The following GIPC3 variants were observed in gnomAD, a reference collection of about 807,000 sequenced individuals.
The protein encoded by GIPC3 is PDZ domain-containing protein GIPC3.
In GIPC3, 16 loss-of-function variants were observed where a neutral mutation model predicts 27.3. That is an observed-to-expected ratio of 0.59 (90% CI 0.40 to 0.89). The LOEUF is 0.89. GIPC3 is among the 40% of genes least tolerant of loss of function. The probability of loss-of-function intolerance (pLI) is 0.00; values close to 1 mark genes in which losing one functional copy is unlikely to be tolerated. For missense variants in GIPC3, 440 were observed against 442.1 expected (o/e 1.00, Z 0.04); for synonymous variants, 194 against 184.6 (o/e 1.05, Z -0.41).
chr19:3,589,656 T>C, intron 4 of GIPC3, 101 bp downstream of exon 4: 1 of 1,184,490 alleles, frequency 8.4e-7, no homozygotes, highest in Non-Finnish European at 1.2e-6. Context: ...AGCCTCAGTT[T>C]CTCTGCCTGC....
In GIPC3 at chr19:3,586,914, A is replaced by G; in HGVS notation, c.512A>G (p.Tyr171Cys). 1.2e-6 allele frequency: 2 copies of G among 1,613,462 alleles called. No individual in the cohort carries two copies. Among genetic ancestry groups the G allele is most frequent in the Non-Finnish European group, 1.7e-6 (2 of 1,179,944 alleles). The change falls in exon 3 of 6, where the codon TAC (tyrosine) becomes TGC (cysteine). Residue 171 changes from tyrosine (Y) to cysteine (C), a missense_variant. Tyr to Cys is a radical substitution (Grantham distance 194). Transcript: ENST00000644452. ...NDHSIVGCRH[Y>C]EVAKMLRELP... The stretch of plus-strand genomic sequence containing the variant: ...CACTCCATTGTGGGCTGCCGCCACT[A>G]CGAGGTGGCCAAGATGCTCCGGGAG...
At chr19:3,588,656 A>C (rs902365827) in intron 3 of GIPC3, among the ~76,000 whole-genome samples, 9 of 151,048 alleles carry the variant, frequency 6.0e-5, no homozygotes, top group African/African-American at 1.5e-4. Context: ...AAAAAAAAAA[A>C]AAACCTGGCT....
chr19:3,586,550 G>A lies in GIPC3; in HGVS notation c.281G>A (p.Gly94Asp), dbSNP rs763523474. The change falls in exon 2 of 6, where the codon GGT (glycine) becomes GAT (aspartate). Residue 94 changes from glycine (G) to aspartate (D), a missense_variant. By Grantham distance (94) the Gly-to-Asp change is moderately conservative. Transcript: ENST00000644452. ...GTGGACATGCAGAAGCTCCTGGGGG[G>A]TCAGATAGGCCTGGAGGACTTCATC... ...HKVDMQKLLG[G>D]QIGLEDFIFA... The A allele has an allele frequency of 5.0e-6, 8 of 1,613,790 alleles. No individual in the cohort carries two copies. In the South Asian group the frequency reaches 8.8e-5, roughly 18 times the overall value.
Position 3,589,432 on chromosome 19 carries a change from G to C in GIPC3, c.593-11G>C, listed in dbSNP as rs371573753. On this transcript the variant is annotated splice_polypyrimidine_tract_variant and intron_variant, in intron 3 of 5. Coordinates refer to ENST00000644452, the MANE Select transcript of GIPC3 (RefSeq NM_133261.3). ...AGAACCCATGGCCATCCCTCACTCT[G>C]TTCCCTCCAGATATGATTGGCCAGA... 3.7e-6 allele frequency: 6 copies of C among 1,605,262 alleles called. No individual in the cohort carries two copies. The highest frequency in any genetic ancestry group is 3.3e-5 in the South Asian group (3 of 90,892).
chr19:3,588,941 C>T (rs2032429264), intron 3 of GIPC3, among the ~76,000 whole-genome samples: 1 of 140,084 alleles, frequency 7.1e-6, no homozygotes, highest in African/African-American at 2.9e-5. Context: ...AAGACAACAT[C>T]TCAAAAAAAA....
At chr19:3,589,419 C>T (rs2032438476) in intron 3 of GIPC3, 24 bp from the exon 4 acceptor site, 11 of 1,560,580 alleles carry the variant, frequency 7.0e-6, no homozygotes, top group Non-Finnish European at 9.7e-6. Context: ...AACCCATGGC[C>T]ATCCCTCACT....
In GIPC3 at chr19:3,586,530, C is replaced by T; in HGVS notation, c.261C>T (p.Asp87=). 2 of 1,613,912 alleles carry T rather than the reference C, an allele frequency of 1.2e-6. No homozygotes were observed. Reference sequence around the variant, plus strand: ...GCACCCTCAACAGCCACAAAGTGGACATGCAGAAGCTCCTGGGGGGTCAGA... The same window carrying T: ...GCACCCTCAACAGCCACAAAGTGGATATGCAGAAGCTCCTGGGGGGTCAGA... The part of the protein sequence containing the change: ...LFCTLNSHKV[D]MQKLLGGQIG... The change falls in exon 2 of 6, where the codon GAC becomes GAT. Residue 87 remains aspartate, a synonymous_variant. Coordinates refer to ENST00000644452, the MANE Select transcript of GIPC3 (RefSeq NM_133261.3).
chr19:3,589,593 C>T (rs758165096), intron 4 of GIPC3, 38 bp downstream of exon 4: 3 of 1,508,194 alleles, frequency 2.0e-6, no homozygotes, highest in Non-Finnish European at 2.8e-6. Context: ...GGCTTCTGCA[C>T]CTTCAGCTCC....
In GIPC3 at chr19:3,592,350, C is replaced by G. The variant is rs2032501590; in HGVS notation, c.*2160C>G. The G allele has an allele frequency of 8.1e-7, 1 of 1,231,912 alleles. No homozygotes were observed. Among genetic ancestry groups the G allele is most frequent in the South Asian group, 4.1e-5 (1 of 24,314 alleles). 76.3% of individuals were successfully genotyped at this position (1,231,912 alleles called of 1,614,324 possible). On this transcript the variant is annotated 3_prime_UTR_variant, in exon 6 of 6. Coordinates refer to ENST00000644452, the MANE Select transcript of GIPC3 (RefSeq NM_133261.3). ...TGAAAGTCAGCTTAGCTTTGGAACT[C>G]AGCCCAGCTCTGGGACCCAGATAAG...
Position 3,591,874 on chromosome 19 carries a change from G to A in GIPC3, c.*1684G>A. On this transcript the variant is annotated 3_prime_UTR_variant, in exon 6 of 6. Coordinates refer to ENST00000644452, the MANE Select transcript of GIPC3 (RefSeq NM_133261.3). ...CTTGGTGCCAAGCCCCACTCTCCTT[G>A]CACAATGCAGCTCAGCTCTAGAATG... 1 of 1,232,686 alleles carries A rather than the reference G, an allele frequency of 8.1e-7. No homozygotes were observed. Among genetic ancestry groups the A allele is most frequent in the Non-Finnish European group, 1.0e-6 (1 of 988,594 alleles). The allele number at this position is 1,232,686 out of a possible 1,614,324, so 76.4% of individuals were successfully genotyped here. A position where few individuals can be genotyped will look rare whatever the true frequency, so the allele number is the denominator to read the frequency against.
At position 3,593,305 on chromosome 19, in the gene GIPC3, C is replaced by T. The variant is rs1346576178; in HGVS notation, c.*3115C>T. ...GGGCCGTAGCTTGGCTGTGACTTAGCCCTGGTTCATGTGGTTCTCGTCCTC... is the reference window on the plus strand; with the variant it reads ...GGGCCGTAGCTTGGCTGTGACTTAGTCCTGGTTCATGTGGTTCTCGTCCTC... On this transcript the variant is annotated 3_prime_UTR_variant, in exon 6 of 6. Coordinates refer to ENST00000644452, the MANE Select transcript of GIPC3 (RefSeq NM_133261.3). 4 of 1,232,386 alleles carry T rather than the reference C, an allele frequency of 3.2e-6. No homozygotes were observed. In the East Asian group the frequency reaches 9.5e-5, roughly 29 times the overall value. The allele number at this position is 1,232,386 out of a possible 1,614,324, so 76.3% of individuals were successfully genotyped here.
chr19:3,585,739 C>A lies in GIPC3; in HGVS notation c.142C>A (p.Pro48Thr), dbSNP rs1428368611. The A allele has an allele frequency of 2.6e-6, 4 of 1,539,300 alleles. No homozygotes were observed. In the African/African-American group the frequency reaches 4.2e-5, roughly 16 times the overall value. Residue 48 changes from proline to threonine, a missense_variant, in exon 1 of 6, where the codon CCC becomes ACC. Physicochemically the swap from Pro to Thr is conservative, Grantham distance 38. Coordinates refer to ENST00000644452, the MANE Select transcript of GIPC3 (RefSeq NM_133261.3). ...CCGCACGCAGCTGGCGCACGGGAGC[C>A]CCACGGGCAAGATCGAGGGCTTCAC... The part of the protein sequence containing the change: ...VFRTQLAHGS[P>T]TGKIEGFTNV...
chr19:3,593,537 C>T lies in GIPC3; in HGVS notation c.*3347C>T, dbSNP rs534144772. 54 of 385,914 alleles carry T rather than the reference C, an allele frequency of 1.4e-4. No individual in the cohort carries two copies. The East Asian group carries it at 2.0e-3, about 14-fold the overall frequency. The allele number at this position is 385,914 out of a possible 1,614,324, so 23.9% of individuals were successfully genotyped here. ...TGGTGAATAAAGGCACCTTCCATCT[C>T]TGCAGCCTGGTGTGTCATTTTGGGG... On this transcript the variant is annotated 3_prime_UTR_variant, in exon 6 of 6. Coordinates refer to ENST00000644452, the MANE Select transcript of GIPC3 (RefSeq NM_133261.3).
chr19:3,590,454 G>A lies in GIPC3; in HGVS notation c.*264G>A, dbSNP rs2032466143. On this transcript the variant is annotated 3_prime_UTR_variant, in exon 6 of 6. Coordinates refer to ENST00000644452, the MANE Select transcript of GIPC3 (RefSeq NM_133261.3). Reference sequence around the variant, plus strand: ...CTGTTCTAAAACTCAGGCCAGCCCTGAGACCAAGCCCAGCTCTAGAACTCA... The same window carrying A: ...CTGTTCTAAAACTCAGGCCAGCCCTAAGACCAAGCCCAGCTCTAGAACTCA... The A allele has an allele frequency of 2.1e-6, 3 of 1,424,124 alleles. No individual in the cohort carries two copies. In the African/African-American group the frequency reaches 4.3e-5, roughly 20 times the overall value. 88.2% of individuals were successfully genotyped at this position (1,424,124 alleles called of 1,614,324 possible).
chr19:3,590,350 TC>T lies in GIPC3; in HGVS notation c.*162del, dbSNP rs1432520834. The T allele has an allele frequency of 4.9e-6, 7 of 1,441,346 alleles. No individual in the cohort carries two copies. The African/African-American group carries it at 7.2e-5, about 15-fold the overall frequency. The allele number at this position is 1,441,346 out of a possible 1,614,324, so 89.3% of individuals were successfully genotyped here. On this transcript the variant is annotated 3_prime_UTR_variant, in exon 6 of 6. Coordinates refer to ENST00000644452, the MANE Select transcript of GIPC3 (RefSeq NM_133261.3). ...TCCAGAACCCAACCCTTCTCTAGAA[TC>T]CAGCCCAGATCTGAGGCCAAGCTAT...
At position 3,586,934 on chromosome 19, in the gene GIPC3, C is replaced by T. The variant is rs2145270070; in HGVS notation, c.532C>T (p.Arg178Trp). 6.2e-7 allele frequency: 1 copy of T among 1,613,352 alleles called. No homozygotes were observed. Among genetic ancestry groups the T allele is most frequent in the Non-Finnish European group, 8.5e-7 (1 of 1,179,982 alleles). ...CRHYEVAKML[R>W]ELPKSQPFTL... is the part of the protein sequence containing the mutation. ...CCACTACGAGGTGGCCAAGATGCTCCGGGAGCTGCCCAAGTCCCAGCCCTT... is the reference window on the plus strand; with the variant it reads ...CCACTACGAGGTGGCCAAGATGCTCTGGGAGCTGCCCAAGTCCCAGCCCTT... The change falls in exon 3 of 6, where the codon CGG becomes TGG. Residue 178 changes from arginine (R) to tryptophan (W), a missense_variant. By Grantham distance (101) the Arg-to-Trp change is moderately radical. Coordinates refer to ENST00000644452, the MANE Select transcript of GIPC3 (RefSeq NM_133261.3).
rs185110101 is a variant in GIPC3 at position 3,590,874 on chromosome 19, A to G, written c.*684A>G. On this transcript the variant is annotated 3_prime_UTR_variant, in exon 6 of 6. Coordinates refer to ENST00000644452, the MANE Select transcript of GIPC3 (RefSeq NM_133261.3). ...TAGAACTCAGATGGGCTCCGAGACC[A>G]AGCCCAGCTCTAGAACCCAGATGAG... 6,111 of 1,208,156 alleles carry G rather than the reference A, an allele frequency of 5.1e-3. 109 individuals are homozygous for G. Among genetic ancestry groups the G allele is most frequent in the Admixed American group, 6.4e-3 (151 of 23,570 alleles). 74.8% of individuals were successfully genotyped at this position (1,208,156 alleles called of 1,614,324 possible). A position where few individuals can be genotyped will look rare whatever the true frequency, so the allele number is the denominator to read the frequency against.
Position 3,586,506 on chromosome 19 carries a change from C to G in GIPC3, c.237C>G (p.Cys79Trp). ...FGIAPTEILF[C>W]TLNSHKVDMQ... ...TCTCCCCCGGGAAGATTTTATTCTG[C>G]ACCCTCAACAGCCACAAAGTGGACA... The change falls in exon 2 of 6, where the codon TGC (cysteine) becomes TGG (tryptophan). Residue 79 changes from cysteine to tryptophan, a missense_variant. Coordinates refer to ENST00000644452, the MANE Select transcript of GIPC3 (RefSeq NM_133261.3). The G allele has an allele frequency of 1.9e-6, 3 of 1,613,618 alleles. No individual in the cohort carries two copies. The highest frequency in any genetic ancestry group is 2.5e-6 in the Non-Finnish European group (3 of 1,179,964).
At position 3,590,242 on chromosome 19, in the gene GIPC3, C is replaced by G; in HGVS notation, c.*52C>G. On this transcript the variant is annotated 3_prime_UTR_variant, in exon 6 of 6. Coordinates refer to ENST00000644452, the MANE Select transcript of GIPC3 (RefSeq NM_133261.3). ...CCCAGCCCGGAGCCCAGCCCCCTGC[C>G]CCGGCCCTGCTCCAGAACCCAGCCC... 3 of 1,545,062 alleles carry G rather than the reference C, an allele frequency of 1.9e-6. No individual in the cohort carries two copies. Among genetic ancestry groups the G allele is most frequent in the Non-Finnish European group, 2.6e-6 (3 of 1,144,034 alleles).
Sources: allele counts gnomAD v4.1 joint callset (sites outside exome capture counted in the v4.1 genomes callset), GRCh38; gene constraint gnomAD v4.1.1; transcripts MANE v1.5; gene names NCBI Gene and HGNC (gene_info 2026-07-23, HGNC 2026-07-21).